Variants in MAGI2 observed in about 807,000 individuals in gnomAD.
MAGI2 encodes the protein membrane associated guanylate kinase, WW and PDZ domain containing 2.
In MAGI2, 35 loss-of-function variants were observed where a neutral mutation model predicts 133.3. The observed-to-expected ratio is 0.26, with a 90% confidence interval of 0.20 to 0.35. The LOEUF (loss-of-function observed/expected upper bound fraction) is 0.35. Among genes scored for constraint, MAGI2 ranks in the 10% least tolerant of loss-of-function variants. The probability of loss-of-function intolerance (pLI) is 1.00; values close to 1 mark genes in which losing one functional copy is unlikely to be tolerated. For missense variants in MAGI2, 1,636 were observed against 1,863.4 expected (o/e 0.88, Z 2.25); for synonymous variants, 729 against 710.6 (o/e 1.03, Z -0.41).
chr7:78,324,131 TACACTACACTACACTACACTAC>T (rs1788300952), intron 9 of MAGI2, among the ~76,000 whole-genome samples: 1 of 133,992 alleles, frequency 7.5e-6, no homozygotes, highest in Admixed American at 7.7e-5. Context: ...ATTGACACAC[TACACTACACTACACTACACTAC>T]ACACTACACT....
At chr7:79,350,997 C>G (rs994001734) in intron 1 of MAGI2, among the ~76,000 whole-genome samples, 1 of 151,956 alleles carries the variant, frequency 6.6e-6, no homozygotes, top group Admixed American at 6.6e-5. Context: ...AAAAACAGCT[C>G]TATTAAGTAA....
intron 2 of MAGI2, among the ~76,000 whole-genome samples, chr7:78,665,399 G>A (rs1183565586): frequency 1.3e-5 from 2 of 152,124 alleles, no homozygotes; most frequent in Admixed American, 6.6e-5. Context: ...ATGAAGCAGA[G>A]CAGAAATAGA....
At chr7:78,317,602 G>C (rs1039752465) in intron 9 of MAGI2, among the ~76,000 whole-genome samples, 2 of 152,260 alleles carry the variant, frequency 1.3e-5, no homozygotes, top group Non-Finnish European at 2.9e-5. Flanking sequence ...GCTCTGAAGA[G>C]AGCAGCGGAT....
intron 1 of MAGI2, among the ~76,000 whole-genome samples, chr7:79,450,376 A>C (rs1166565088): frequency 6.6e-6 from 1 of 152,166 alleles, no homozygotes; most frequent in East Asian, 1.9e-4. Flanking sequence ...AAATTAATCT[A>C]TGATTTGACG....
At chr7:78,839,436 A>C (rs1255809204) in intron 2 of MAGI2, among the ~76,000 whole-genome samples, 1 of 152,114 alleles carries the variant, frequency 6.6e-6, no homozygotes, top group East Asian at 1.9e-4. Context: ...TCAAATAATT[A>C]AGGACTTAAT....
At chr7:79,145,883 T>C (rs7787597) in intron 1 of MAGI2, among the ~76,000 whole-genome samples, 96,634 of 152,168 alleles carry the variant, frequency 0.64, 35,297 homozygotes, top group Non-Finnish European at 0.83. Flanking sequence ...TCCAAAATCA[T>C]GCTCATGCAG....
intron 16 of MAGI2, among the ~76,000 whole-genome samples, chr7:78,142,147 C>G (rs1014052403): frequency 1.3e-5 from 2 of 152,160 alleles, no homozygotes; most frequent in African/African-American, 4.8e-5. Flanking sequence ...GGCAGTCACA[C>G]AGGCCACCAT....
chr7:78,804,761 A>AAAACAAAAAAC (rs758221965), intron 2 of MAGI2, among the ~76,000 whole-genome samples: 46,245 of 143,478 alleles, frequency 0.32, 8,108 homozygotes, highest in East Asian at 0.49. Flanking sequence ...AAAAAAAAAA[A>AAAACAAAAAAC]AAAAAAAAAA....
intron 9 of MAGI2, among the ~76,000 whole-genome samples, chr7:78,318,154 G>A (rs1001066037): frequency 1.3e-5 from 2 of 152,156 alleles, no homozygotes; most frequent in Non-Finnish European, 1.5e-5. Context: ...GCTTCAGAAG[G>A]TGGGTAATAA....
At chr7:79,062,780 C>A (rs150168897) in intron 1 of MAGI2, among the ~76,000 whole-genome samples, 3 of 152,192 alleles carry the variant, frequency 2.0e-5, no homozygotes, top group South Asian at 2.1e-4. Context: ...TACTCCCATC[C>A]GTGTTCTGAC....
intron 2 of MAGI2, among the ~76,000 whole-genome samples, chr7:78,778,365 A>T (rs1826142200): frequency 1.3e-5 from 2 of 152,120 alleles, no homozygotes; most frequent in African/African-American, 4.8e-5. Context: ...CCTGCTTTTG[A>T]TTCTCACCTT....
rs150162426 is a variant in MAGI2 at position 79,349,462 on chromosome 7, T to TTAATAATAA, written c.301+103549_301+103557dup. On this transcript the variant is annotated intron_variant, in intron 1 of 21. Transcript: ENST00000354212. Reference sequence around the variant, plus strand: ...AGATGACCTTCAAAGATTCTTTTAGTTAATAATAATAATAATAATAGCTAG... The same window carrying TTAATAATAA: ...AGATGACCTTCAAAGATTCTTTTAGTTAATAATAATAATAATAATAATAATAATAGCTAG... Among the ~76,000 whole-genome samples the TTAATAATAA allele has an allele frequency of 5.9e-3, 892 of 151,446 alleles. 7 individuals carry two copies. The highest frequency in any genetic ancestry group is 0.02 in the African/African-American group (839 of 41,292).
chr7:78,529,491 C>T (rs1396176954), intron 3 of MAGI2, among the ~76,000 whole-genome samples: 1 of 152,002 alleles, frequency 6.6e-6, no homozygotes, highest in African/African-American at 2.4e-5. Flanking sequence ...GGCATTTGAA[C>T]ATTTGTAACT....
At chr7:78,062,992 T>G (rs1446754430) in intron 21 of MAGI2, among the ~76,000 whole-genome samples, 1 of 152,168 alleles carries the variant, frequency 6.6e-6, no homozygotes, top group African/African-American at 2.4e-5. Flanking sequence ...GACTGAAATA[T>G]CCCCAATATC....
chr7:78,142,194 C>T (rs2150559918), intron 16 of MAGI2, among the ~76,000 whole-genome samples: 1 of 152,286 alleles, frequency 6.6e-6, no homozygotes, highest in South Asian at 2.1e-4. Flanking sequence ...AGTCACCTGT[C>T]ACCAGCTTGA....
chr7:78,952,142 T>C (rs2151703490), intron 2 of MAGI2, among the ~76,000 whole-genome samples: 1 of 152,254 alleles, frequency 6.6e-6, no homozygotes, highest in South Asian at 2.1e-4. Context: ...GACCCTTTGG[T>C]TCTGAAAAGC....
intron 1 of MAGI2, among the ~76,000 whole-genome samples, chr7:79,075,275 C>G (rs919318580): frequency 2.0e-5 from 3 of 151,998 alleles, no homozygotes; most frequent in African/African-American, 7.3e-5. Flanking sequence ...TCCATGAATG[C>G]CTTAGAGCAA....
intron 10 of MAGI2, among the ~76,000 whole-genome samples, chr7:78,213,138 GT>G (rs1563271171): frequency 6.6e-6 from 1 of 151,764 alleles, no homozygotes; most frequent in Non-Finnish European, 1.5e-5. Flanking sequence ...GTGTTAATTT[GT>G]TTTCATCAAT....
chr7:79,082,174 C>T (rs934806783), intron 1 of MAGI2, among the ~76,000 whole-genome samples: 2 of 152,022 alleles, frequency 1.3e-5, no homozygotes, highest in African/African-American at 4.8e-5. Flanking sequence ...TGAGTTCCCT[C>T]TTTACCTTCT....
Sources: allele counts gnomAD v4.1 joint callset (sites outside exome capture counted in the v4.1 genomes callset), GRCh38; gene constraint gnomAD v4.1.1; transcripts MANE v1.5; gene names NCBI Gene and HGNC (gene_info 2026-07-23, HGNC 2026-07-21).